The following ZSWIM8 variants were observed in gnomAD, a reference collection of about 807,000 sequenced individuals.
The protein encoded by ZSWIM8 is zinc finger SWIM domain-containing protein 8.
A neutral mutation model predicts 173.7 loss-of-function variants in ZSWIM8; 27 were observed. That is an observed-to-expected ratio of 0.16 (90% CI 0.11 to 0.21). The LOEUF (loss-of-function observed/expected upper bound fraction) is 0.21. Among genes scored for constraint, ZSWIM8 ranks in the 10% least tolerant of loss-of-function variants. ZSWIM8 has a pLI of 1.00. For synonymous variants in ZSWIM8, 958 were observed against 962.0 expected, an observed-to-expected ratio of 1.00 and a Z score of 0.08; for missense variants, 1,627 against 2,428.8, an observed-to-expected ratio of 0.67 and a Z score of 6.94.
At position 73,797,756 on chromosome 10, in the gene ZSWIM8, C is replaced by G. The variant is rs751887165; in HGVS notation, c.3663-25C>G. Reference sequence around the variant, plus strand: ...CCCATTTCAAAGAAACCCCAACCCCCGTCCCTACCCCATTGCCCCTTCAGG... The same window carrying G: ...CCCATTTCAAAGAAACCCCAACCCCGGTCCCTACCCCATTGCCCCTTCAGG... On this transcript the variant is annotated intron_variant, in intron 18 of 25. Transcript: ENST00000604729. The surrounding 1 kb of genome is among the most constrained non-coding windows in gnomAD (Gnocchi z 5.6). The G allele has an allele frequency of 1.2e-6, 2 of 1,602,762 alleles. No individual in the cohort carries two copies. Among genetic ancestry groups the G allele is most frequent in the Non-Finnish European group, 1.7e-6 (2 of 1,172,710 alleles).
Position 73,789,696 on chromosome 10 carries a change from T to G in ZSWIM8, c.631-21T>G. On this transcript the variant is annotated intron_variant, in intron 4 of 25. Transcript: ENST00000604729. The surrounding 1 kb of genome is among the most constrained non-coding windows in gnomAD (Gnocchi z 6.8). ...CAAACCTGTTCTCAGATTGTTCCATTTTTCTCTGTGTCCCCTTCAGGCTTC... is the reference window on the plus strand; with the variant it reads ...CAAACCTGTTCTCAGATTGTTCCATGTTTCTCTGTGTCCCCTTCAGGCTTC... 1 of 1,580,510 alleles carries G rather than the reference T, an allele frequency of 6.3e-7. No homozygotes were observed. Among genetic ancestry groups the G allele is most frequent in the Non-Finnish European group, 8.6e-7 (1 of 1,162,938 alleles).
At chr10:73,788,201 A>T (rs1281696920) in intron 1 of ZSWIM8, among the ~76,000 whole-genome samples, 18 of 151,198 alleles carry the variant, frequency 1.2e-4, no homozygotes, top group Admixed American at 1.2e-3. Context: ...TTGTCTCCTT[A>T]GCTGGGGGCC....
intron 1 of ZSWIM8, 42 bp from the exon 2 acceptor site, chr10:73,788,628 T>C (rs759110314): frequency 1.2e-6 from 2 of 1,606,562 alleles, no homozygotes; most frequent in African/African-American, 2.7e-5. Context: ...CCCTTTTCAT[T>C]TCCTATTCTC....
chr10:73,799,367 T>G lies in ZSWIM8; in HGVS notation c.4542T>G (p.Thr1514=). 6.2e-7 allele frequency: 1 copy of G among 1,611,964 alleles called. No individual in the cohort carries two copies. Among genetic ancestry groups the G allele is most frequent in the South Asian group, 1.1e-5 (1 of 90,518 alleles). ...ACTCCCCTGGCCTGCACCCCTACAC[T>G]GCTCTACAGCCCCACCTGCCCTGTA... is the stretch of plus-strand genomic sequence containing the variant. The part of the protein sequence containing the change: ...HGHSPGLHPY[T]ALQPHLPCSP... Residue 1514 remains threonine (T), a synonymous_variant, in exon 21 of 26, where the codon ACT becomes ACG. Transcript: ENST00000604729.
In ZSWIM8 at chr10:73,800,703, G is replaced by T. The variant is rs1360327266; in HGVS notation, c.5066G>T (p.Arg1689Leu). 6.2e-7 allele frequency: 1 copy of T among 1,613,258 alleles called. No homozygotes were observed. Among genetic ancestry groups the T allele is most frequent in the Non-Finnish European group, 8.5e-7 (1 of 1,179,734 alleles). Residue 1689 changes from arginine to leucine, a missense_variant, in exon 24 of 26, where the codon CGC (arginine) becomes CTC (leucine). Physicochemically the swap from Arg to Leu is moderately radical, Grantham distance 102. Around this residue, in one of 18 missense-constraint regions of ZSWIM8, gnomAD observed 30 missense variants for 20.9 expected, o/e 1.44. Coordinates refer to ENST00000604729, the MANE Select transcript of ZSWIM8 (RefSeq NM_001367799.1). This position sits in a 1 kb window ranked among gnomAD's most constrained non-coding sequence, Gnocchi z 4.1. Reference sequence around the variant, plus strand: ...AACGATCACCCCAACAACTTCTCCCGCTCCCCCCCCTACACTGATGATGTC... The same window carrying T: ...AACGATCACCCCAACAACTTCTCCCTCTCCCCCCCCTACACTGATGATGTC... ...AHNDHPNNFS[R>L]SPPYTDDVKW... is the part of the protein sequence containing the mutation.
intron 7 of ZSWIM8, 118 bp downstream of exon 7, chr10:73,790,410 C>T: frequency 7.0e-7 from 1 of 1,423,080 alleles, no homozygotes; most frequent in Non-Finnish European, 9.5e-7. Context: ...CCTGAACTGG[C>T]ACAGTGCCTG....
Position 73,793,616 on chromosome 10 carries a change from A to G in ZSWIM8, c.2342A>G (p.His781Arg), listed in dbSNP as rs780679887. The change falls in exon 11 of 26, where the codon CAT (histidine) becomes CGT (arginine). Residue 781 changes from histidine to arginine, a missense_variant. Transcript: ENST00000604729. ...CTGTTTGCCTGTGCTGAGGCCCTGC[A>G]TGCGCATGGCTATAGCAGTGAGGCC... ...EVLFACAEAL[H>R]AHGYSSEASR... 6.2e-7 allele frequency: 1 copy of G among 1,608,584 alleles called. No individual in the cohort carries two copies. The highest frequency in any genetic ancestry group is 1.1e-5 in the South Asian group (1 of 90,434).
Position 73,791,905 on chromosome 10 carries a change from A to T in ZSWIM8, c.1366A>T (p.Ile456Phe). The T allele has an allele frequency of 6.5e-7, 1 of 1,548,178 alleles. No individual in the cohort carries two copies. The highest frequency in any genetic ancestry group is 8.7e-7 in the Non-Finnish European group (1 of 1,144,148). ...GCTGCGGCAGTGGCAACTGAAGGTG[A>T]TTGAGAACGTCAAGCGGGGCCAACA... is the stretch of plus-strand genomic sequence containing the variant. Reference protein sequence around the residue: ...TQLRQWQLKVIENVKRGQHKK... With the variant: ...TQLRQWQLKVFENVKRGQHKK... Residue 456 changes from isoleucine to phenylalanine, a missense_variant, in exon 10 of 26, where the codon ATT becomes TTT. This residue lies in a region of ZSWIM8 where 103 missense variants were observed against 155.6 expected (regional missense o/e 0.66). Transcript: ENST00000604729. The surrounding 1 kb of genome is among the most constrained non-coding windows in gnomAD (Gnocchi z 6.0).
At chr10:73,794,954 A>G (rs986079944) in intron 14 of ZSWIM8, 1 of 179,094 alleles carries the variant, frequency 5.6e-6, no homozygotes, top group Admixed American at 6.4e-5. Flanking sequence ...AAAAAAAAAA[A>G]TTAGCCAGGT....
chr10:73,791,987 A>G lies in ZSWIM8; in HGVS notation c.1448A>G (p.Tyr483Cys), dbSNP rs1270467425. The change falls in exon 10 of 26, where the codon TAC (tyrosine) becomes TGC (cysteine). Residue 483 changes from tyrosine to cysteine, a missense_variant. By Grantham distance (194) the Tyr-to-Cys change is radical. Coordinates refer to ENST00000604729, the MANE Select transcript of ZSWIM8 (RefSeq NM_001367799.1). The surrounding 1 kb of genome is among the most constrained non-coding windows in gnomAD (Gnocchi z 6.0). ...PGFRPAVEAC[Y>C]FNWEEAYPLP... ...TTCCGGCCAGCGGTGGAGGCCTGCT[A>G]CTTCAACTGGGAAGAGGCCTACCCA... 4.5e-6 allele frequency: 7 copies of G among 1,551,030 alleles called. No homozygotes were observed. Among genetic ancestry groups the G allele is most frequent in the African/African-American group, 1.4e-5 (1 of 73,054 alleles).
At position 73,785,850 on chromosome 10, in the gene ZSWIM8, G is replaced by T; in HGVS notation, c.-29G>T. The T allele has an allele frequency of 6.8e-7, 1 of 1,475,010 alleles. No homozygotes were observed. The highest frequency in any genetic ancestry group is 1.3e-5 in the South Asian group (1 of 75,676). The allele number at this position is 1,475,010 out of a possible 1,614,324, so 91.4% of individuals were successfully genotyped here. On this transcript the variant is annotated 5_prime_UTR_variant, in exon 1 of 26. Transcript: ENST00000604729. The stretch of plus-strand genomic sequence containing the variant: ...GGCCCAGGCCCCGGATCCGCGGGGG[G>T]GGACCCGGCCCCGGGGGGTGCGGGC...
intron 1 of ZSWIM8, among the ~76,000 whole-genome samples, chr10:73,787,602 A>C (rs1272414103): frequency 6.6e-6 from 1 of 152,182 alleles, no homozygotes; most frequent in East Asian, 1.9e-4. Flanking sequence ...CTGTAATCCC[A>C]GTACTTTGGG....
chr10:73,787,029 C>T (rs565494741), intron 1 of ZSWIM8, among the ~76,000 whole-genome samples: 49 of 151,998 alleles, frequency 3.2e-4, no homozygotes, highest in Admixed American at 2.4e-3. Flanking sequence ...CCGCAACCTC[C>T]GCCTCCCCAG....
At chr10:73,798,876 T>C (rs1376891846) in intron 20 of ZSWIM8, 126 bp from the exon 21 acceptor site, 3 of 1,323,852 alleles carry the variant, frequency 2.3e-6, no homozygotes, top group Admixed American at 2.5e-5. Flanking sequence ...ACTCTAAGCA[T>C]TGACACTGAC....
Position 73,785,619 on chromosome 10 carries a change from C to A in ZSWIM8, c.-260C>A, listed in dbSNP as rs1045065830. 3.6e-6 allele frequency: 2 copies of A among 559,242 alleles called. No homozygotes were observed. Among genetic ancestry groups the A allele is most frequent in the Non-Finnish European group, 6.8e-6 (2 of 292,280 alleles). The allele number at this position is 559,242 out of a possible 1,614,324, so 34.6% of individuals were successfully genotyped here. A position where few individuals can be genotyped will look rare whatever the true frequency, so the allele number is the denominator to read the frequency against. On this transcript the variant is annotated 5_prime_UTR_variant, in exon 1 of 26. Transcript: ENST00000604729. ...AGGCGGCTCCGCAGCCGCCTAGAGG[C>A]CCCAGCCGCCGAGCGCTTCGTCCCG...
At chr10:73,799,913 A>ATCTC (rs1206047147) in intron 21 of ZSWIM8, 98 bp from the exon 22 acceptor site, 55 of 1,049,954 alleles carry the variant, frequency 5.2e-5, no homozygotes, top group Non-Finnish European at 7.3e-5. Context: ...ACTCTATCTC[A>ATCTC]AAAAAAACAT....
intron 10 of ZSWIM8, 48 bp from the exon 11 acceptor site, chr10:73,793,540 C>T (rs966994518): frequency 5.2e-6 from 8 of 1,530,294 alleles, no homozygotes; most frequent in Non-Finnish European, 7.0e-6. Context: ...ATGTCCTGCT[C>T]CTGGAAGTTG....
chr10:73,785,736 C>T lies in ZSWIM8; in HGVS notation c.-143C>T, dbSNP rs1411467098. On this transcript the variant is annotated 5_prime_UTR_variant, in exon 1 of 26. Transcript: ENST00000604729. The stretch of plus-strand genomic sequence containing the variant: ...GTCTCTTTCCCAGGCCTGAGATTCT[C>T]GCCCGGCACGGCCGCCCTGAGCGCC... 8.3e-6 allele frequency: 7 copies of T among 841,626 alleles called. No individual in the cohort carries two copies. Among genetic ancestry groups the T allele is most frequent in the Non-Finnish European group, 1.1e-5 (6 of 526,760 alleles). The allele number at this position is 841,626 out of a possible 1,614,324, so 52.1% of individuals were successfully genotyped here. A position where few individuals can be genotyped will look rare whatever the true frequency, so the allele number is the denominator to read the frequency against.
Position 73,797,726 on chromosome 10 carries a change from G to A in ZSWIM8, c.3663-55G>A, listed in dbSNP as rs974555114. 1.9e-4 allele frequency: 294 copies of A among 1,575,808 alleles called. 1 individual carries two copies. The highest frequency in any genetic ancestry group is 1.3e-3 in the South Asian group (109 of 86,316). ...TTCCCTGGTCCTTCCCAACCTACCCGGATGCCCATTTCAAAGAAACCCCAA... is the reference window on the plus strand; with the variant it reads ...TTCCCTGGTCCTTCCCAACCTACCCAGATGCCCATTTCAAAGAAACCCCAA... On this transcript the variant is annotated intron_variant, in intron 18 of 25. Transcript: ENST00000604729. This position sits in a 1 kb window ranked among gnomAD's most constrained non-coding sequence, Gnocchi z 5.6.
Sources: allele counts gnomAD v4.1 joint callset (sites outside exome capture counted in the v4.1 genomes callset), GRCh38; gene constraint gnomAD v4.1.1; regional missense constraint gnomAD v4.1.1; non-coding constraint Gnocchi (gnomAD v3.1); transcripts MANE v1.5; gene names NCBI Gene and HGNC (gene_info 2026-07-23, HGNC 2026-07-21).